STRADA: variants seen among roughly 807,000 people sequenced by gnomAD.
The protein encoded by STRADA is STE20-related kinase adapter protein alpha.
STRADA carries 26 observed loss-of-function variants against 55.0 expected under a neutral mutation model. The observed-to-expected ratio is 0.47, with a 90% CI of 0.35 to 0.66. The LOEUF (loss-of-function observed/expected upper bound fraction) is 0.66. STRADA is among the 30% of genes least tolerant of loss of function. STRADA has a pLI of 0.01. For missense variants in STRADA, 443 were observed against 549.7 expected (o/e 0.81, Z 1.94); for synonymous variants, 197 against 210.9 (o/e 0.93, Z 0.57).
rs1309095081 is a variant in STRADA, at chr17:63,740,107, T to TATATATATATATATATATAC, written c.-45+1633_-45+1634insGTATATATATATATATATAT. On this transcript the variant is annotated intron_variant, in intron 1 of 12. Transcript: ENST00000336174. ...AACACTATATATATATATATATATA[T>TATATATATATATATATATAC]ACATACATACATATATATATACACA... Among the ~76,000 whole-genome samples, 179 of 49,622 alleles carry TATATATATATATATATATAC rather than the reference T, an allele frequency of 3.6e-3. 14 individuals carry two copies. The highest frequency in any genetic ancestry group is 0.014 in the African/African-American group (145 of 10,528). 32.6% of individuals were successfully genotyped at this position (49,622 alleles called of 152,430 possible).
chr17:63,720,137 C>T (rs1324148101), intron 4 of STRADA, among the ~76,000 whole-genome samples: 3 of 151,442 alleles, frequency 2.0e-5, no homozygotes, highest in Non-Finnish European at 4.4e-5. Flanking sequence ...ATCCTCCCAC[C>T]TCAGCCTCCC....
At chr17:63,710,189 C>T (rs1390610229) in intron 8 of STRADA, among the ~76,000 whole-genome samples, 1 of 152,020 alleles carries the variant, frequency 6.6e-6, no homozygotes, top group African/African-American at 2.4e-5. Flanking sequence ...CAAGCATGTG[C>T]CACCACACCC....
chr17:63,724,480 C>T (rs1372271526), intron 3 of STRADA, among the ~76,000 whole-genome samples: 1 of 150,192 alleles, frequency 6.7e-6, no homozygotes, highest in Non-Finnish European at 1.5e-5. Context: ...CTCCCTCTGT[C>T]GCCCAGGCTG....
intron 4 of STRADA, among the ~76,000 whole-genome samples, chr17:63,716,226 G>A (rs1271662049): frequency 6.6e-6 from 1 of 151,828 alleles, no homozygotes; most frequent in African/African-American, 2.4e-5. Flanking sequence ...CTCCCAGGTA[G>A]CTGGGACTAT....
At chr17:63,728,532 T>A in intron 1 of STRADA, 119 bp from the exon 2 acceptor site, 1 of 534,714 alleles carries the variant, frequency 1.9e-6, no homozygotes, top group Non-Finnish European at 3.2e-6. Flanking sequence ...CACCTATAAA[T>A]TGCTAGATTT....
chr17:63,739,140 C>CAAAAAA (rs35963636), intron 1 of STRADA, among the ~76,000 whole-genome samples: 6 of 69,344 alleles, frequency 8.7e-5, no homozygotes, highest in Admixed American at 4.2e-4. Context: ...GACTCCATCT[C>CAAAAAA]AAAAAAAAAA....
intron 2 of STRADA, 111 bp downstream of exon 2, chr17:63,728,223 C>T: frequency 2.0e-6 from 2 of 985,736 alleles, no homozygotes; most frequent in Non-Finnish European, 3.1e-6. Context: ...ACATCCCTCA[C>T]TTCCGTATCA....
At chr17:63,732,316 A>G (rs912170495) in intron 1 of STRADA, among the ~76,000 whole-genome samples, 3 of 152,032 alleles carry the variant, frequency 2.0e-5, no homozygotes, top group Non-Finnish European at 4.4e-5. Flanking sequence ...ATAGTGGCAT[A>G]TTAAAAACCA....
intron 10 of STRADA, 38 bp from the exon 11 acceptor site, chr17:63,704,620 TGGG>T (rs66871703): frequency 2.3e-4 from 273 of 1,213,196 alleles, no homozygotes; most frequent in Admixed American, 6.0e-4. Context: ...CTGTAGCGGG[TGGG>T]GGGGGGGGGT....
chr17:63,709,607 T>C (rs567432932), intron 8 of STRADA, among the ~76,000 whole-genome samples: 4 of 152,230 alleles, frequency 2.6e-5, no homozygotes, highest in Non-Finnish European at 5.9e-5. Context: ...TCTTATGTTT[T>C]GTGCTTCTAA....
intron 9 of STRADA, 27 bp downstream of exon 9, chr17:63,707,220 G>C (rs758351587): frequency 3.1e-6 from 5 of 1,611,564 alleles, no homozygotes; most frequent in Non-Finnish European, 4.2e-6. Flanking sequence ...GTTGGGTAGG[G>C]GAGCTCCTCT....
At chr17:63,718,565 G>A (rs1341464770) in intron 4 of STRADA, among the ~76,000 whole-genome samples, 1 of 152,114 alleles carries the variant, frequency 6.6e-6, no homozygotes, top group Non-Finnish European at 1.5e-5. Flanking sequence ...AGCTCAGTGG[G>A]TTGCTTTCAG....
chr17:63,713,648 T>A, intron 5 of STRADA, 121 bp from the exon 6 acceptor site: 2 of 1,302,972 alleles, frequency 1.5e-6, no homozygotes, highest in Non-Finnish European at 2.1e-6. Context: ...TTCACTACTG[T>A]TACTTTTTTT....
At chr17:63,704,267 C>A in intron 11 of STRADA, 74 bp downstream of exon 11, 1 of 1,586,160 alleles carries the variant, frequency 6.3e-7, no homozygotes, top group East Asian at 2.3e-5. Flanking sequence ...GAGGTAAGTC[C>A]CTTCACACCC....
intron 3 of STRADA, 188 bp downstream of exon 3, chr17:63,726,450 A>G: frequency 1.8e-6 from 1 of 553,290 alleles, no homozygotes. Flanking sequence ...AAGACAGGCC[A>G]AGGAAAATTG....
At chr17:63,737,754 G>T (rs1378727346) in intron 1 of STRADA, among the ~76,000 whole-genome samples, 1 of 152,102 alleles carries the variant, frequency 6.6e-6, no homozygotes, top group Non-Finnish European at 1.5e-5. Flanking sequence ...TCATGCCTGT[G>T]TTCCCAGCAC....
In STRADA at chr17:63,720,197, CAG is replaced by C. The variant is rs1006957621; in HGVS notation, c.123+3099_123+3100del. On this transcript the variant is annotated intron_variant, in intron 4 of 12. Transcript: ENST00000336174. ...AATTTTTTTTTTTTTTAATTAGGGA[CAG>C]AGTCTCACTCTGTCTCCCAAGCTGG... Among the ~76,000 whole-genome samples the C allele has an allele frequency of 2.7e-5, 4 of 149,690 alleles. No individual in the cohort carries two copies. The East Asian group carries it at 6.0e-4, about 22-fold the overall frequency.
chr17:63,739,029 T>G (rs1028036258), intron 1 of STRADA, among the ~76,000 whole-genome samples: 4 of 149,708 alleles, frequency 2.7e-5, no homozygotes, highest in African/African-American at 9.9e-5. Context: ...GGCGGGCGCC[T>G]GTAGTCCCAG....
At chr17:63,723,878 C>T (rs950923704) in intron 3 of STRADA, 1 of 152,314 alleles carries the variant, frequency 6.6e-6, no homozygotes, top group African/African-American at 2.4e-5. Flanking sequence ...CATTTTGGCG[C>T]TCTGCTTGTC....
Sources: gnomAD v4.1 joint callset for allele counts (sites outside exome capture counted in the v4.1 genomes callset) on GRCh38, gnomAD v4.1.1 for gene constraint, MANE v1.5 for transcripts, NCBI Gene and HGNC (gene_info 2026-07-23, HGNC 2026-07-21) for gene names.